Variants in EFHC2 observed in about 807,000 individuals in gnomAD.
EFHC2 encodes the protein EF-hand domain-containing family member C2.
A neutral mutation model predicts 52.7 loss-of-function variants in EFHC2; 18 were observed. The observed-to-expected ratio is 0.34, with a 90% CI of 0.24 to 0.51. EFHC2 has a LOEUF of 0.51. Among genes scored for constraint, EFHC2 ranks in the 20% least tolerant of loss-of-function variants. The pLI is 0.97. For missense variants in EFHC2, 513 were observed against 562.5 expected, an observed-to-expected ratio of 0.91 and a Z score of 0.89; for synonymous variants, 203 against 204.1, an observed-to-expected ratio of 0.99 and a Z score of 0.04.
At chrX:44,260,488 G>T (rs1408898570) in intron 4 of EFHC2, among the ~76,000 whole-genome samples, 1 of 111,061 alleles carries the variant, frequency 9.0e-6, no homozygotes, top group Non-Finnish European at 1.9e-5. Context: ...TAAAAATATT[G>T]AGTCTTTACT....
At position 44,150,997 on chromosome X, in the gene EFHC2, C is replaced by G. The variant is rs776942953; in HGVS notation, c.2149-2101G>C. On this transcript the variant is annotated intron_variant, in intron 14 of 14. Coordinates refer to ENST00000420999, the MANE Select transcript of EFHC2 (RefSeq NM_025184.4). ...ACAGCCAGGTAAAGACAGAGACACACAGGGGGAACACCAGGTGACCATAGA... is the reference window on the plus strand; with the variant it reads ...ACAGCCAGGTAAAGACAGAGACACAGAGGGGGAACACCAGGTGACCATAGA... Among the ~76,000 whole-genome samples the G allele has an allele frequency of 2.7e-5, 3 of 110,647 alleles. No homozygotes were observed. In the South Asian group the frequency reaches 1.2e-3, roughly 43 times the overall value.
chrX:44,292,354 A>G (rs2037798560), intron 2 of EFHC2, among the ~76,000 whole-genome samples: 1 of 111,146 alleles, frequency 9.0e-6, no homozygotes, highest in African/African-American at 3.3e-5. Context: ...TGGGGATGGG[A>G]CACAAGTCTA....
Position 44,248,254 on chromosome X carries a change from G to C in EFHC2, c.1111+18C>G. 1 of 1,083,385 alleles carries C rather than the reference G, an allele frequency of 9.2e-7. No individual in the cohort carries two copies. The highest frequency in any genetic ancestry group is 1.2e-6 in the Non-Finnish European group (1 of 814,953). 89.3% of individuals were successfully genotyped at this position (1,083,385 alleles called of 1,213,427 possible). A position where few individuals can be genotyped will look rare whatever the true frequency, so the allele number is the denominator to read the frequency against. ...TTTAATTTTAAAAATATTTTTAATT[G>C]ACATATGTATCACTTACCAATTCCA... On this transcript the variant is annotated intron_variant, in intron 7 of 14. Coordinates refer to ENST00000420999, the MANE Select transcript of EFHC2 (RefSeq NM_025184.4).
intron 2 of EFHC2, among the ~76,000 whole-genome samples, chrX:44,297,226 C>A (rs910361161): frequency 1.8e-5 from 2 of 111,548 alleles, no homozygotes; most frequent in Non-Finnish European, 3.8e-5. Context: ...AGGTTCTAAA[C>A]CTCAGTCTAA....
At chrX:44,269,759 C>T (rs927848414) in intron 3 of EFHC2, among the ~76,000 whole-genome samples, 2 of 111,314 alleles carry the variant, frequency 1.8e-5, no homozygotes, top group African/African-American at 6.5e-5. Context: ...TACCCAGCCC[C>T]AGGTATTCCT....
chrX:44,272,349 G>T (rs2037623673), intron 3 of EFHC2, among the ~76,000 whole-genome samples: 1 of 112,150 alleles, frequency 8.9e-6, no homozygotes, highest in Non-Finnish European at 1.9e-5. Context: ...CCCTAATGGT[G>T]TTGTGAAGGA....
At chrX:44,262,081 G>A (rs73628330) in intron 3 of EFHC2, among the ~76,000 whole-genome samples, 2,932 of 110,787 alleles carry the variant, frequency 0.026, 100 homozygotes, top group African/African-American at 0.093. Context: ...AGGGTCCCAC[G>A]TATATCCAAA....
intron 2 of EFHC2, chrX:44,309,215 T>C (rs2037927199): frequency 2.4e-6 from 1 of 422,381 alleles, no homozygotes; most frequent in South Asian, 3.1e-5. Flanking sequence ...TAATGAACAT[T>C]ATGGACAATT....
chrX:44,247,635 AAC>A (rs2037410487), intron 7 of EFHC2, among the ~76,000 whole-genome samples: 1 of 111,356 alleles, frequency 9.0e-6, no homozygotes, highest in Non-Finnish European at 1.9e-5. Flanking sequence ...AGACACTCAT[AAC>A]ACGGTGTCAC....
intron 2 of EFHC2, among the ~76,000 whole-genome samples, chrX:44,293,704 A>T (rs1317970552): frequency 9.0e-6 from 1 of 111,183 alleles, no homozygotes; most frequent in Non-Finnish European, 1.9e-5. Flanking sequence ...ATAGAACTTC[A>T]ACTGTTTATC....
Position 44,309,716 on chromosome X carries a change from G to T in EFHC2, c.231+2852C>A, listed in dbSNP as rs184980451. ...CTAATAAGTTCATTGGAAAACGTGA[G>T]GCCAGGCATCGGTCCTCGTTTCTTG... On this transcript the variant is annotated intron_variant, in intron 2 of 14. Coordinates refer to ENST00000420999, the MANE Select transcript of EFHC2 (RefSeq NM_025184.4). 24 of 995,220 alleles carry T rather than the reference G, an allele frequency of 2.4e-5. No individual in the cohort carries two copies. In the Admixed American group the frequency reaches 3.5e-4, roughly 15 times the overall value. The allele number at this position is 995,220 out of a possible 1,213,427, so 82.0% of individuals were successfully genotyped here.
intron 11 of EFHC2, among the ~76,000 whole-genome samples, chrX:44,203,965 T>C (rs1451549093): frequency 9.1e-6 from 1 of 109,912 alleles, no homozygotes; most frequent in Non-Finnish European, 1.9e-5. Context: ...GACACCAACC[T>C]ACCTACTGGC....
Position 44,250,430 on chromosome X carries a change from C to T in EFHC2, c.622G>A (p.Glu208Lys), listed in dbSNP as rs7062352. The T allele has an allele frequency of 5.0e-6, 6 of 1,193,075 alleles. No homozygotes were observed. The highest frequency in any genetic ancestry group is 6.8e-6 in the Non-Finnish European group (6 of 886,017). ...KIRREVVEHVEPLRPYESLDT... is the reference protein window; with the variant it reads ...KIRREVVEHVKPLRPYESLDT... ...AGGGATTCGTAGGGACGTAAGGGCT[C>T]TACGTGTTCTACAACCTGCAAATGG... is the stretch of plus-strand genomic sequence containing the variant. Residue 208 changes from glutamate (E) to lysine (K), a missense_variant, in exon 5 of 15, where the codon GAG (glutamate) becomes AAG (lysine). By Grantham distance (56) the Glu-to-Lys change is moderately conservative. Coordinates refer to ENST00000420999, the MANE Select transcript of EFHC2 (RefSeq NM_025184.4).
intron 13 of EFHC2, among the ~76,000 whole-genome samples, chrX:44,171,763 A>G (rs1283757181): frequency 8.9e-6 from 1 of 111,918 alleles, no homozygotes; most frequent in African/African-American, 3.3e-5. Context: ...AATCTTTTCA[A>G]CTAGAAATCC....
intron 8 of EFHC2, among the ~76,000 whole-genome samples, chrX:44,239,797 A>T (rs201655943): frequency 8.9e-6 from 1 of 112,136 alleles, no homozygotes; most frequent in African/African-American, 3.2e-5. Flanking sequence ...TCAACAGAGT[A>T]CTGTGGGCAC....
At chrX:44,157,617 T>C (rs1291044194) in intron 14 of EFHC2, among the ~76,000 whole-genome samples, 1 of 110,283 alleles carries the variant, frequency 9.1e-6, no homozygotes, top group Non-Finnish European at 1.9e-5. Context: ...TGGGAGTGGC[T>C]ATAGTGGCTA....
intron 11 of EFHC2, among the ~76,000 whole-genome samples, chrX:44,228,397 G>A (rs746290250): frequency 6.3e-5 from 7 of 111,667 alleles, no homozygotes; most frequent in East Asian, 2.8e-4. Context: ...ATAATAAAAC[G>A]AAACCACTCC....
intron 3 of EFHC2, among the ~76,000 whole-genome samples, chrX:44,269,479 G>A (rs762846708): frequency 1.8e-5 from 2 of 111,177 alleles, no homozygotes; most frequent in Non-Finnish European, 3.8e-5. Flanking sequence ...GGTCATGGGG[G>A]TGGATCCCAC....
intron 2 of EFHC2, among the ~76,000 whole-genome samples, chrX:44,288,039 AT>A (rs1027438618): frequency 1.8e-5 from 2 of 112,404 alleles, no homozygotes; most frequent in African/African-American, 6.5e-5. Flanking sequence ...AAGCAAAAAA[AT>A]AAACGTGATT....
Sources: allele counts gnomAD v4.1 joint callset (sites outside exome capture counted in the v4.1 genomes callset), GRCh38; gene constraint gnomAD v4.1.1; transcripts MANE v1.5; gene names NCBI Gene and HGNC (gene_info 2026-07-23, HGNC 2026-07-21).